Variants in HYDIN observed in about 807,000 individuals in gnomAD.
The protein encoded by HYDIN is axonemal central pair apparatus protein HYDIN.
Under a neutral mutation model 403.9 loss-of-function variants are expected in HYDIN, and 132 were observed. The ratio of observed to expected loss-of-function variants is 0.33; its 90% CI spans 0.28 to 0.38. HYDIN has a LOEUF of 0.38. HYDIN is among the 10% of genes least tolerant of loss of function. The probability of loss-of-function intolerance (pLI) is 1.00; values close to 1 mark genes in which losing one functional copy is unlikely to be tolerated. For missense variants in HYDIN, 2,827 were observed against 5,009.5 expected (o/e 0.56, Z 13.15); for synonymous variants, 1,202 against 1,891.7 (o/e 0.64, Z 9.46).
chr16:70,824,128 CT>C lies in HYDIN; in HGVS notation c.14427+3132del, dbSNP rs1415128983. ...ATCATTATAACCAGAAGCAGAAATG[CT>C]TTTTATTCTTTGAAAAATGTTTGTT... On this transcript the variant is annotated intron_variant, in intron 83 of 85. Transcript: ENST00000393567. Among the ~76,000 whole-genome samples the C allele has an allele frequency of 5.8e-4, 88 of 150,758 alleles. 1 individual carries two copies. Among genetic ancestry groups the C allele is most frequent in the African/African-American group, 2.1e-3 (85 of 41,088 alleles).
At chr16:71,068,933 C>T (rs1490225000) in intron 14 of HYDIN, among the ~76,000 whole-genome samples, 1 of 152,036 alleles carries the variant, frequency 6.6e-6, no homozygotes, top group African/African-American at 2.4e-5. Context: ...GAAAGATAAA[C>T]CTAAGTATCA....
intron 6 of HYDIN, among the ~76,000 whole-genome samples, chr16:71,153,224 C>T (rs1052967209): frequency 2.0e-5 from 3 of 152,056 alleles, no homozygotes; most frequent in East Asian, 1.9e-4. Flanking sequence ...GGATAAAAAT[C>T]GAGTTTTGTG....
intron 71 of HYDIN, among the ~76,000 whole-genome samples, chr16:70,859,703 C>T (rs992039594): frequency 5.9e-5 from 9 of 152,312 alleles, no homozygotes; most frequent in Middle Eastern, 3.4e-3. Flanking sequence ...AGTAAAAACA[C>T]ATCGTGTCCT....
At chr16:71,085,491 A>C (rs1340215655) in intron 12 of HYDIN, among the ~76,000 whole-genome samples, 1 of 149,276 alleles carries the variant, frequency 6.7e-6, no homozygotes, top group Non-Finnish European at 1.5e-5. Context: ...GGTGGTTTAT[A>C]GTGTTCAACT....
chr16:71,074,707 C>CAAAAAAAAAA (rs59315287), intron 13 of HYDIN, among the ~76,000 whole-genome samples: 117 of 85,978 alleles, frequency 1.4e-3, no homozygotes, highest in African/African-American at 2.1e-3. Context: ...CAAAAAACAC[C>CAAAAAAAAAA]AAAAAAAAAA....
At chr16:70,922,146 CAT>C (rs1446951699) in intron 45 of HYDIN, among the ~76,000 whole-genome samples, 4 of 152,202 alleles carry the variant, frequency 2.6e-5, no homozygotes, top group Non-Finnish European at 5.9e-5. Context: ...CTTTTCCCCT[CAT>C]CTTGCTGCCC....
Position 70,807,768 on chromosome 16 carries a change from C to A in HYDIN, c.15178G>T (p.Ala5060Ser), listed in dbSNP as rs1423994246. 6.2e-7 allele frequency: 1 copy of A among 1,614,022 alleles called. No homozygotes were observed. Among genetic ancestry groups the A allele is most frequent in the African/African-American group, 1.3e-5 (1 of 74,906 alleles). The stretch of plus-strand genomic sequence containing the variant: ...GACTCTCCAGCGCGAATGGTGAAGG[C>A]TGGGTTATCCACGATGATGGAGAAG... ...VTFSIIVDNP[A>S]FTIRAGESVR... Residue 5060 changes from alanine to serine, a missense_variant, in exon 86 of 86, where the codon GCC becomes TCC. Transcript: ENST00000393567.
intron 5 of HYDIN, among the ~76,000 whole-genome samples, chr16:71,170,588 C>A (rs1467492651): frequency 1.3e-5 from 2 of 151,856 alleles, no homozygotes; most frequent in South Asian, 2.1e-4. Context: ...TAAAAAAAAA[C>A]AAACTTTTTC....
intron 41 of HYDIN, among the ~76,000 whole-genome samples, chr16:70,951,030 T>C (rs529034103): frequency 6.0e-5 from 9 of 151,180 alleles, no homozygotes; most frequent in Non-Finnish European, 1.0e-4. Flanking sequence ...AGGCCAAGAG[T>C]TCAAGACCAG....
intron 10 of HYDIN, among the ~76,000 whole-genome samples, chr16:71,115,447 C>G (rs1314931369): frequency 6.6e-6 from 1 of 152,174 alleles, no homozygotes; most frequent in Non-Finnish European, 1.5e-5. Flanking sequence ...TGAAAATGGA[C>G]TAATACAGTT....
chr16:70,819,034 C>G (rs1366425155), intron 83 of HYDIN, among the ~76,000 whole-genome samples: 2 of 142,888 alleles, frequency 1.4e-5, no homozygotes, highest in South Asian at 2.1e-4. Flanking sequence ...CTGCATCAGC[C>G]TCACAAGTAA....
chr16:71,071,450 T>C (rs933343597), intron 13 of HYDIN, among the ~76,000 whole-genome samples: 9 of 151,956 alleles, frequency 5.9e-5, no homozygotes, highest in South Asian at 2.1e-4. Context: ...ACTTTACAGT[T>C]GTAGACCTCT....
Position 70,840,002 on chromosome 16 carries a change from T to C in HYDIN, c.13043+62A>G, listed in dbSNP as rs1214570159. The C allele has an allele frequency of 1.2e-5, 9 of 733,546 alleles. No homozygotes were observed. The Admixed American group carries it at 2.4e-4, about 19-fold the overall frequency. The allele number at this position is 733,546 out of a possible 1,614,324, so 45.4% of individuals were successfully genotyped here. ...TTGTCTTGGCAGGGCTTCACCTGTGTGGAATCTGTAGGACCCACAAGCAGC... is the reference window on the plus strand; with the variant it reads ...TTGTCTTGGCAGGGCTTCACCTGTGCGGAATCTGTAGGACCCACAAGCAGC... On this transcript the variant is annotated intron_variant, in intron 76 of 85. Coordinates refer to ENST00000393567, the MANE Select transcript of HYDIN (RefSeq NM_001270974.2).
intron 18 of HYDIN, among the ~76,000 whole-genome samples, chr16:71,056,599 G>C (rs2081905168): frequency 6.6e-6 from 1 of 152,172 alleles, no homozygotes; most frequent in South Asian, 2.1e-4. Flanking sequence ...CCGCACATGA[G>C]GCTGAGTGTG....
At chr16:71,218,240 C>A (rs150323887) in intron 1 of HYDIN, among the ~76,000 whole-genome samples, 1 of 152,144 alleles carries the variant, frequency 6.6e-6, no homozygotes, top group Non-Finnish European at 1.5e-5. Context: ...TTCTATTAAT[C>A]CCAATGTGGT....
rs760992790 is a variant in HYDIN at position 70,920,961 on chromosome 16, A to G, written c.7415T>C (p.Met2472Thr). Reference protein sequence around the residue: ...LTLKDVQNILMYWDRKQGVQL... With the variant: ...LTLKDVQNILTYWDRKQGVQL... The stretch of plus-strand genomic sequence containing the variant: ...GACTCCTTGCTTCCGGTCCCAGTAC[A>G]TGAGGATGTTCTGGACATCCTTCAG... Residue 2472 changes from methionine to threonine, a missense_variant, in exon 46 of 86, where the codon ATG becomes ACG. Coordinates refer to ENST00000393567, the MANE Select transcript of HYDIN (RefSeq NM_001270974.2). The G allele has an allele frequency of 2.5e-6, 4 of 1,608,474 alleles. No homozygotes were observed. In the South Asian group the frequency reaches 3.3e-5, roughly 13 times the overall value.
intron 8 of HYDIN, among the ~76,000 whole-genome samples, chr16:71,135,817 C>T (rs1409002458): frequency 7.0e-6 from 1 of 142,532 alleles, no homozygotes; most frequent in Non-Finnish European, 1.5e-5. Flanking sequence ...TAAAAGATGG[C>T]ACAGTGGCAA....
In HYDIN at chr16:70,863,179, G is replaced by A. The variant is rs367684762; in HGVS notation, c.11475C>T (p.Phe3825=). ...TLVYQTRVFE[F]DVINSGRVQL... is the part of the protein sequence containing the mutation. The stretch of plus-strand genomic sequence containing the variant: ...GGACACGTCCTGAATTAATCACATC[G>A]AACCTGCAAATCGATCAGGGAGCAG... The change falls in exon 68 of 86, where the codon TTC becomes TTT. Residue 3825 remains phenylalanine (F), a synonymous_variant. Transcript: ENST00000393567. 3.6e-4 allele frequency: 578 copies of A among 1,612,870 alleles called. No homozygotes were observed. The highest frequency in any genetic ancestry group is 6.7e-4 in the Admixed American group (40 of 59,912).
intron 1 of HYDIN, among the ~76,000 whole-genome samples, chr16:71,210,868 ATAT>A (rs1318424669): frequency 3.3e-5 from 5 of 152,252 alleles, no homozygotes; most frequent in East Asian, 3.9e-4. Context: ...GTTAGTAGTC[ATAT>A]TATTATAATT....
Sources: allele counts gnomAD v4.1 joint callset (sites outside exome capture counted in the v4.1 genomes callset), GRCh38; gene constraint gnomAD v4.1.1; transcripts MANE v1.5; gene names NCBI Gene and HGNC (gene_info 2026-07-23, HGNC 2026-07-21).